ECT2: variants seen among roughly 807,000 people sequenced by gnomAD.
ECT2 encodes the protein epithelial cell transforming 2.
Under a neutral mutation model 116.9 loss-of-function variants are expected in ECT2, and 61 were observed. The ratio of observed to expected loss-of-function variants is 0.52; its 90% CI spans 0.42 to 0.65. The LOEUF is 0.65. Among genes scored for constraint, ECT2 ranks in the 30% least tolerant of loss-of-function variants. ECT2 has a pLI of 0.00. For missense variants in ECT2, 937 were observed against 1,078.7 expected, an observed-to-expected ratio of 0.87 and a Z score of 1.84; for synonymous variants, 358 against 346.4, an observed-to-expected ratio of 1.03 and a Z score of -0.37.
At chr3:172,785,536 A>G (rs971389756) in intron 17 of ECT2, among the ~76,000 whole-genome samples, 8 of 151,888 alleles carry the variant, frequency 5.3e-5, no homozygotes, top group Middle Eastern at 3.4e-3. Flanking sequence ...AAAAAGAAGG[A>G]TAACTAAATT....
intron 15 of ECT2, 83 bp from the exon 16 acceptor site, chr3:172,783,716 A>G (rs2108690121): frequency 2.4e-6 from 2 of 847,176 alleles, no homozygotes; most frequent in African/African-American, 1.7e-5. Context: ...GATTGTGACT[A>G]CTAATTATTT....
At chr3:172,809,291 G>A (rs956058654) in intron 22 of ECT2, among the ~76,000 whole-genome samples, 3 of 151,886 alleles carry the variant, frequency 2.0e-5, no homozygotes, top group Admixed American at 6.6e-5. Flanking sequence ...CCACATGATG[G>A]CTAATAGTAC....
At chr3:172,826,062 T>G (rs1730834266), downstream of ECT2, among the ~76,000 whole-genome samples, 4 of 152,028 alleles carry the variant, frequency 2.6e-5, no homozygotes, top group Admixed American at 2.6e-4. Context: ...CCCTGCTAAT[T>G]TTTTGTATTT....
At chr3:172,808,063 T>G (rs1728099560) in intron 22 of ECT2, 139 bp downstream of exon 22, 1 of 830,668 alleles carries the variant, frequency 1.2e-6, no homozygotes, top group Admixed American at 3.0e-5. Flanking sequence ...ACTGATGTAA[T>G]AAGTTGTTTT....
At chr3:172,816,204 AT>A (rs1729689902) in intron 23 of ECT2, among the ~76,000 whole-genome samples, 1 of 152,148 alleles carries the variant, frequency 6.6e-6, no homozygotes, top group East Asian at 1.9e-4. Flanking sequence ...TCTAAGAGAG[AT>A]TTACAGCCAT....
chr3:172,790,178 A>T (rs533593177), intron 18 of ECT2, among the ~76,000 whole-genome samples: 1 of 152,106 alleles, frequency 6.6e-6, no homozygotes. Flanking sequence ...CCTGCCCGAC[A>T]TATGGTCTTA....
intron 14 of ECT2, among the ~76,000 whole-genome samples, chr3:172,774,450 C>T (rs989715160): frequency 6.1e-4 from 93 of 151,626 alleles, no homozygotes; most frequent in African/African-American, 2.1e-3. Flanking sequence ...CCACCCGTCT[C>T]GGCCTCCCAA....
At chr3:172,826,756 T>G in the ECT2 span, among the ~76,000 whole-genome samples, 1 of 152,182 alleles carries the variant, frequency 6.6e-6, no homozygotes, top group East Asian at 1.9e-4. Context: ...TCAGCAGCCA[T>G]CAACATTGAG....
chr3:172,802,770 A>C (rs935847154), intron 19 of ECT2, 76 bp downstream of exon 19: 1 of 1,509,220 alleles, frequency 6.6e-7, no homozygotes, highest in African/African-American at 1.4e-5. Flanking sequence ...AATATAAATA[A>C]TATCTTGGCA....
downstream of ECT2, among the ~76,000 whole-genome samples, chr3:172,826,041 G>A (rs1225480181): frequency 2.0e-5 from 3 of 152,156 alleles, no homozygotes; most frequent in East Asian, 5.8e-4. Context: ...TTACAGGCAC[G>A]CCCCGCCACG....
rs139679659 is a variant in ECT2 at position 172,793,442 on chromosome 3, C to T, written c.1907+6868C>T. Among the ~76,000 whole-genome samples, 906 of 151,906 alleles carry T rather than the reference C, an allele frequency of 6.0e-3. 8 individuals carry two copies. The highest frequency in any genetic ancestry group is 0.02 in the African/African-American group (830 of 41,410). On this transcript the variant is annotated intron_variant, in intron 18 of 24. Transcript: ENST00000392692. ...TGCTGGGATTACAGGCGTGAGCCCC[C>T]GCGCCCAGCCTATTTTTTACTTTTT...
chr3:172,751,994 CA>C (rs1443335118), intron 1 of ECT2, among the ~76,000 whole-genome samples: 11 of 152,116 alleles, frequency 7.2e-5, no homozygotes, highest in Middle Eastern at 3.2e-3. Flanking sequence ...TCATCAGGGG[CA>C]ATTTTAATTA....
At chr3:172,795,179 C>T (rs1725394201) in intron 18 of ECT2, among the ~76,000 whole-genome samples, 1 of 151,588 alleles carries the variant, frequency 6.6e-6, no homozygotes, top group African/African-American at 2.4e-5. Context: ...AAAAATTAGC[C>T]AGGCATGGTG....
At chr3:172,806,862 T>C (rs113885184) in intron 21 of ECT2, among the ~76,000 whole-genome samples, 15,245 of 151,862 alleles carry the variant, frequency 0.1, 1,481 homozygotes, top group African/African-American at 0.25. Flanking sequence ...GGGCTGGTCT[T>C]GAACTCCTGA....
chr3:172,783,697 A>G, intron 15 of ECT2, 102 bp from the exon 16 acceptor site: 1 of 723,200 alleles, frequency 1.4e-6, no homozygotes, highest in Middle Eastern at 3.0e-4. Flanking sequence ...TTTTGCATCC[A>G]CTATGTCAGA....
At chr3:172,803,570 C>G (rs1032670287) in intron 20 of ECT2, among the ~76,000 whole-genome samples, 2 of 152,082 alleles carry the variant, frequency 1.3e-5, no homozygotes, top group African/African-American at 4.8e-5. Context: ...GTTCATCCCT[C>G]TAATATGTAT....
intron 13 of ECT2, 49 bp from the exon 14 acceptor site, chr3:172,773,854 C>G: frequency 6.4e-7 from 1 of 1,566,068 alleles, no homozygotes; most frequent in Non-Finnish European, 8.7e-7. Flanking sequence ...TCTTTTAGCT[C>G]TTTTCTTTTT....
intron 17 of ECT2, among the ~76,000 whole-genome samples, chr3:172,785,395 C>T (rs961584521): frequency 1.3e-5 from 2 of 151,388 alleles, no homozygotes; most frequent in African/African-American, 4.9e-5. Flanking sequence ...TTATTTTATT[C>T]TTAATTAAGT....
At chr3:172,762,320 C>T in intron 8 of ECT2, 96 bp from the exon 9 acceptor site, 2 of 1,298,582 alleles carry the variant, frequency 1.5e-6, no homozygotes, top group South Asian at 2.7e-5. Flanking sequence ...ATAGATTATG[C>T]CAAGACCTTG....
Sources: gnomAD v4.1 joint callset for allele counts (sites outside exome capture counted in the v4.1 genomes callset) on GRCh38, gnomAD v4.1.1 for gene constraint, MANE v1.5 for transcripts, NCBI Gene and HGNC (gene_info 2026-07-23, HGNC 2026-07-21) for gene names.